CAPS2: variants seen among roughly 807,000 people sequenced by gnomAD.
CAPS2 encodes calcyphosin-2.
A neutral mutation model predicts 86.5 loss-of-function variants in CAPS2; 98 were observed. That is an observed-to-expected ratio of 1.13 (90% CI 0.96 to 1.34). The LOEUF is 1.34. Among genes scored for constraint, CAPS2 ranks in the 40% most tolerant of loss-of-function variants. The pLI is 0.00. For synonymous variants in CAPS2, 210 were observed against 225.1 expected (o/e 0.93, Z 0.60); for missense variants, 729 against 686.8 (o/e 1.06, Z -0.69).
chr12:75,366,257 A>C (rs1320715703), intron 1 of CAPS2, among the ~76,000 whole-genome samples: 1 of 152,192 alleles, frequency 6.6e-6, no homozygotes, highest in African/African-American at 2.4e-5. Flanking sequence ...TTTTTATTTC[A>C]GAACTTAAGC....
chr12:75,281,463 A>G (rs1279215037), intron 16 of CAPS2, among the ~76,000 whole-genome samples: 2 of 152,028 alleles, frequency 1.3e-5, no homozygotes, highest in Non-Finnish European at 1.5e-5. Context: ...GTGGATTAAC[A>G]TATAAAGAAC....
chr12:75,297,621 C>T (rs144484865), intron 11 of CAPS2, among the ~76,000 whole-genome samples: 5 of 152,222 alleles, frequency 3.3e-5, no homozygotes, highest in African/African-American at 7.2e-5. Context: ...TCCCCCATTC[C>T]ATCCACATCT....
chr12:75,355,341 C>G (rs369243865), intron 1 of CAPS2, among the ~76,000 whole-genome samples: 31 of 152,154 alleles, frequency 2.0e-4, no homozygotes, highest in African/African-American at 7.5e-4. Context: ...CAAAATAAGA[C>G]ATTTATGCAG....
At chr12:75,321,495 T>C in exon 5 of CAPS2, 1 of 1,547,286 alleles carries the variant, frequency 6.5e-7, no homozygotes, top group Non-Finnish European at 8.7e-7. Flanking sequence ...TAGCCCTCTT[T>C]AATTTCAGTT....
At chr12:75,291,854 T>C in intron 12 of CAPS2, 34 bp from the exon 13 acceptor site, 1 of 1,067,064 alleles carries the variant, frequency 9.4e-7, no homozygotes, top group Non-Finnish European at 1.4e-6. Context: ...ATGAAATATA[T>C]ATATATTCTA....
At chr12:75,360,688 A>G (rs1387918331) in intron 1 of CAPS2, 1 of 152,194 alleles carries the variant, frequency 6.6e-6, no homozygotes, top group Admixed American at 6.6e-5. Flanking sequence ...TTGATCTACC[A>G]TTCTGAGGTC....
chr12:75,354,741 T>C (rs754022963), intron 1 of CAPS2, among the ~76,000 whole-genome samples: 1 of 152,168 alleles, frequency 6.6e-6, no homozygotes, highest in East Asian at 1.9e-4. Flanking sequence ...ACTACAAGGC[T>C]ACAGTAACCA....
chr12:75,278,596 C>G, exon 17 of CAPS2: 1 of 1,054,824 alleles, frequency 9.5e-7, no homozygotes, highest in Non-Finnish European at 1.1e-6. Context: ...AAAATGACCT[C>G]TAAAATATAC....
Position 75,345,208 on chromosome 12 carries a change from G to T in CAPS2, c.-394-21986C>A, listed in dbSNP as rs553111232. Reference sequence around the variant, plus strand: ...TGAGAGTGTATCAAACTTCTCCTGAGCCATAATCTAGAAACTGTCTCCAGG... The same window carrying T: ...TGAGAGTGTATCAAACTTCTCCTGATCCATAATCTAGAAACTGTCTCCAGG... On this transcript the variant is annotated intron_variant, in intron 1 of 5. Coordinates refer to the CAPS2 transcript ENST00000551829. Among the ~76,000 whole-genome samples the T allele has an allele frequency of 1.6e-4, 24 of 152,050 alleles. No homozygotes were observed. In the South Asian group the frequency reaches 5.0e-3, roughly 32 times the overall value.
At chr12:75,276,783 C>T (rs2137919764), downstream of CAPS2, 1 of 891,466 alleles carries the variant, frequency 1.1e-6, no homozygotes, top group East Asian at 1.2e-4. Flanking sequence ...CTTACAAAGA[C>T]ATAGAGATCT....
chr12:75,278,287 A>G, exon 17 of CAPS2: 1 of 983,190 alleles, frequency 1.0e-6, no homozygotes, highest in Non-Finnish European at 1.2e-6. Context: ...CAGTATTTAA[A>G]TGAGCATCAT....
upstream of CAPS2, chr12:75,334,531 C>G: frequency 7.2e-7 from 1 of 1,393,942 alleles, no homozygotes; most frequent in Non-Finnish European, 9.3e-7. Flanking sequence ...TAGCTCAGAG[C>G]TTTGTGGAAG....
At chr12:75,306,168 C>T in intron 7 of CAPS2, 1 of 908,338 alleles carries the variant, frequency 1.1e-6, no homozygotes, top group South Asian at 1.4e-5. Context: ...AGCAGAATTA[C>T]CTGAAGTACC....
chr12:75,289,233 C>T (rs1395461475), intron 14 of CAPS2, among the ~76,000 whole-genome samples: 1 of 152,174 alleles, frequency 6.6e-6, no homozygotes. Context: ...GATGTATCCT[C>T]CTCCAGGCAT....
chr12:75,388,989 A>G (rs2045434549), intron 1 of CAPS2, among the ~76,000 whole-genome samples: 1 of 152,206 alleles, frequency 6.6e-6, no homozygotes, highest in African/African-American at 2.4e-5. Flanking sequence ...ATTGGTAAAA[A>G]AAACAAAACA....
chr12:75,308,375 A>T (rs771902178), intron 7 of CAPS2, among the ~76,000 whole-genome samples: 7 of 152,202 alleles, frequency 4.6e-5, no homozygotes, highest in Non-Finnish European at 1.0e-4. Flanking sequence ...ACCAATGGGA[A>T]ACCTCTAGAG....
chr12:75,389,897 A>G (rs2045488535), intron 1 of CAPS2, among the ~76,000 whole-genome samples: 1 of 152,162 alleles, frequency 6.6e-6, no homozygotes, highest in Non-Finnish European at 1.5e-5. Context: ...ATCTTTCTCA[A>G]TCACTTAAAA....
chr12:75,298,969 G>T lies in CAPS2; in HGVS notation c.855-3C>A. On this transcript the variant is annotated splice_polypyrimidine_tract_variant and splice_region_variant and intron_variant, in intron 9 of 16. Coordinates refer to ENST00000393284, the Ensembl canonical transcript of CAPS2. ...CTCTGCAAGCATCACGTCCATTACTGGAAAAATAGAATGAAATCAAACATC... is the reference window on the plus strand; with the variant it reads ...CTCTGCAAGCATCACGTCCATTACTTGAAAAATAGAATGAAATCAAACATC... The T allele has an allele frequency of 1.3e-6, 2 of 1,559,114 alleles. No homozygotes were observed. The highest frequency in any genetic ancestry group is 1.7e-6 in the Non-Finnish European group (2 of 1,149,662).
chr12:75,281,062 C>G (rs557574814), intron 16 of CAPS2, among the ~76,000 whole-genome samples: 8 of 151,880 alleles, frequency 5.3e-5, no homozygotes, highest in Non-Finnish European at 1.2e-4. Context: ...GTAGGTTTAA[C>G]CTCCCTAGTA....
Sources: allele counts gnomAD v4.1 joint callset (sites outside exome capture counted in the v4.1 genomes callset), GRCh38; gene constraint gnomAD v4.1.1; transcripts MANE v1.5; gene names NCBI Gene and HGNC (gene_info 2026-07-23, HGNC 2026-07-21).